Variants in RTL4 observed in about 807,000 individuals in gnomAD.
RTL4 encodes retrotransposon Gag like 4.
Under a neutral mutation model 5.3 loss-of-function variants are expected in RTL4, and 4 were observed. That is an observed-to-expected ratio of 0.75 (90% CI 0.37 to 1.72). RTL4 has a LOEUF of 1.72. Among genes scored for constraint, RTL4 ranks in the 40% most tolerant of loss-of-function variants. RTL4 has a pLI of 0.04. For missense variants in RTL4, 260 were observed against 227.1 expected (o/e 1.14, Z -0.93); for synonymous variants, 98 against 87.3 (o/e 1.12, Z -0.68).
At chrX:112,083,087 C>T in the RTL4 span, among the ~76,000 whole-genome samples, 1,292 of 110,605 alleles carry the variant, frequency 0.012, 14 homozygotes, top group African/African-American at 0.04. Flanking sequence ...CCCCCGCTGC[C>T]CCGTCCCACC....
At chrX:112,190,172 C>CTT in the RTL4 span, among the ~76,000 whole-genome samples, 1 of 92,223 alleles carries the variant, frequency 1.1e-5, no homozygotes, top group Non-Finnish European at 2.2e-5. Context: ...TTCTTTCTTT[C>CTT]TTTCTTTCTT....
the RTL4 span, among the ~76,000 whole-genome samples, chrX:112,164,410 C>T: frequency 8.9e-6 from 1 of 112,249 alleles, no homozygotes; most frequent in Admixed American, 9.4e-5. Flanking sequence ...AGGAAAACCA[C>T]TTTTATTTTA....
the RTL4 span, among the ~76,000 whole-genome samples, chrX:112,145,110 C>A: frequency 1.8e-5 from 2 of 111,016 alleles, no homozygotes; most frequent in Non-Finnish European, 3.8e-5. Context: ...GGTGATGTTT[C>A]GAACTTCTTC....
At chrX:112,355,034 C>G in the RTL4 span, among the ~76,000 whole-genome samples, 191 of 111,494 alleles carry the variant, frequency 1.7e-3, no homozygotes, top group African/African-American at 5.9e-3. Context: ...AATGCTTCTT[C>G]GGTGCTGCTG....
the RTL4 span, among the ~76,000 whole-genome samples, chrX:112,436,798 A>G: frequency 2.7e-5 from 3 of 110,983 alleles, no homozygotes; most frequent in Admixed American, 1.9e-4. Context: ...TCAGTCTGCT[A>G]AACACAAAAC....
the RTL4 span, among the ~76,000 whole-genome samples, chrX:112,406,065 C>T: frequency 9.0e-6 from 1 of 111,226 alleles, no homozygotes; most frequent in Non-Finnish European, 1.9e-5. Flanking sequence ...CTGATCCCAA[C>T]AGTTGGAACT....
the RTL4 span, among the ~76,000 whole-genome samples, chrX:112,256,100 T>C: frequency 1.8e-5 from 2 of 112,353 alleles, no homozygotes; most frequent in African/African-American, 6.4e-5. Context: ...ATTTAGAGCA[T>C]ATGCAATGAT....
chrX:112,175,553 G>A, the RTL4 span, among the ~76,000 whole-genome samples: 2 of 108,706 alleles, frequency 1.8e-5, no homozygotes, highest in South Asian at 8.2e-4. Context: ...GGATTGACTT[G>A]GCAATGCGGG....
At chrX:112,159,008 C>T in the RTL4 span, among the ~76,000 whole-genome samples, 3 of 112,023 alleles carry the variant, frequency 2.7e-5, no homozygotes, top group East Asian at 5.6e-4. Context: ...TAAAATTTTA[C>T]AAACTTGTTA....
chrX:112,418,168 A>C, the RTL4 span, among the ~76,000 whole-genome samples: 1 of 111,711 alleles, frequency 9.0e-6, no homozygotes, highest in Non-Finnish European at 1.9e-5. Flanking sequence ...ATAAACAAAT[A>C]AAATAAAATT....
chrX:112,160,217 G>A, the RTL4 span, among the ~76,000 whole-genome samples: 4 of 111,979 alleles, frequency 3.6e-5, no homozygotes, highest in African/African-American at 1.3e-4. Context: ...GGTATTTGCG[G>A]AGTTGACAGT....
the RTL4 span, among the ~76,000 whole-genome samples, chrX:112,260,478 C>A: frequency 9.0e-6 from 1 of 111,661 alleles, no homozygotes; most frequent in African/African-American, 3.3e-5. Flanking sequence ...ATGTCTAGAG[C>A]AGGTATTACA....
the RTL4 span, among the ~76,000 whole-genome samples, chrX:112,350,740 A>G: frequency 7.7e-4 from 85 of 110,817 alleles, no homozygotes; most frequent in African/African-American, 2.7e-3. Context: ...TATTGCGTCT[A>G]TGTGATTCTT....
At chrX:112,314,628 A>G in the RTL4 span, among the ~76,000 whole-genome samples, 2 of 108,986 alleles carry the variant, frequency 1.8e-5, no homozygotes, top group Non-Finnish European at 3.8e-5. Context: ...AAATGCTTAA[A>G]TGATATAATT....
chrX:112,305,739 G>C, the RTL4 span, among the ~76,000 whole-genome samples: 1 of 112,159 alleles, frequency 8.9e-6, no homozygotes, highest in Non-Finnish European at 1.9e-5. Flanking sequence ...ACACTATTGT[G>C]ATTCGTTGTA....
At chrX:112,314,974 C>A in the RTL4 span, among the ~76,000 whole-genome samples, 10,546 of 111,321 alleles carry the variant, frequency 0.095, 1,278 homozygotes, top group African/African-American at 0.33. Flanking sequence ...TATTGTGAAG[C>A]CGTGAAGTTG....
the RTL4 span, among the ~76,000 whole-genome samples, chrX:112,360,567 A>T: frequency 9.2e-6 from 1 of 108,287 alleles, no homozygotes; most frequent in African/African-American, 3.4e-5. Flanking sequence ...TTTCACTTTG[A>T]CTCTGTTTAT....
At chrX:112,279,797 T>C in the RTL4 span, among the ~76,000 whole-genome samples, 22 of 111,572 alleles carry the variant, frequency 2.0e-4, no homozygotes, top group Non-Finnish European at 3.0e-4. Flanking sequence ...ATTCAATAAT[T>C]GATGCATACT....
the RTL4 span, among the ~76,000 whole-genome samples, chrX:112,352,065 A>G: frequency 6.3e-5 from 7 of 110,906 alleles, no homozygotes; most frequent in Non-Finnish European, 1.9e-5. Flanking sequence ...CAGGCCTGGT[A>G]GCGACAAAAT....
Sources: allele counts gnomAD v4.1 joint callset (sites outside exome capture counted in the v4.1 genomes callset), GRCh38; gene constraint gnomAD v4.1.1; transcripts MANE v1.5; gene names NCBI Gene and HGNC (gene_info 2026-07-23, HGNC 2026-07-21).